MCM5: variants seen among roughly 807,000 people sequenced by gnomAD.
The protein encoded by MCM5 is minichromosome maintenance complex component 5, also known as DNA replication licensing factor MCM5.
Under a neutral mutation model 79.9 loss-of-function variants are expected in MCM5, and 46 were observed. The observed-to-expected ratio is 0.58, with a 90% CI of 0.45 to 0.74. The LOEUF (loss-of-function observed/expected upper bound fraction) is 0.74, where lower values mean the gene tolerates loss of function less well. MCM5 is among the 30% of genes least tolerant of loss of function. MCM5 has a pLI of 0.00. For synonymous variants in MCM5, 404 were observed against 390.5 expected (o/e 1.03, Z -0.41); for missense variants, 883 against 1,017.0 (o/e 0.87, Z 1.79).
the MCM5 span, among the ~76,000 whole-genome samples, chr22:35,443,955 C>T: frequency 6.6e-5 from 10 of 152,118 alleles, no homozygotes; most frequent in Non-Finnish European, 1.3e-4. Context: ...ATTTACTTGG[C>T]CTCTCTATGC....
downstream of MCM5, among the ~76,000 whole-genome samples, chr22:35,426,680 G>T (rs1041309032): frequency 5.3e-5 from 8 of 152,194 alleles, no homozygotes; most frequent in African/African-American, 1.9e-4. Flanking sequence ...AACTGAGGGG[G>T]TAGACATCAG....
intron 4 of MCM5, among the ~76,000 whole-genome samples, chr22:35,405,803 A>G (rs914383755): frequency 2.6e-5 from 4 of 151,814 alleles, no homozygotes; most frequent in African/African-American, 9.7e-5. Flanking sequence ...TGAGGTCAAG[A>G]GTTCGAGACC....
chr22:35,418,877 G>A (rs940776056), intron 13 of MCM5, among the ~76,000 whole-genome samples: 11 of 152,164 alleles, frequency 7.2e-5, no homozygotes, highest in African/African-American at 2.7e-4. Context: ...TAAGTAACTT[G>A]CCCAAGGTCA....
chr22:35,442,706 T>C, the MCM5 span, among the ~76,000 whole-genome samples: 2 of 152,218 alleles, frequency 1.3e-5, no homozygotes, highest in Admixed American at 1.3e-4. Flanking sequence ...TGTGATTACA[T>C]TGGGCTCATC....
At chr22:35,418,711 TCA>T (rs1373467120) in intron 13 of MCM5, among the ~76,000 whole-genome samples, 1 of 134,596 alleles carries the variant, frequency 7.4e-6, no homozygotes, top group Non-Finnish European at 1.6e-5. Context: ...ACACACACAC[TCA>T]CTCTTACACA....
At chr22:35,435,117 C>T in the MCM5 span, among the ~76,000 whole-genome samples, 13 of 152,194 alleles carry the variant, frequency 8.5e-5, no homozygotes, top group African/African-American at 3.1e-4. Flanking sequence ...CACCACTACA[C>T]TCCAGCCTGG....
chr22:35,410,911 G>T lies in MCM5; in HGVS notation c.919+1G>T. On this transcript the variant is annotated splice_donor_variant, in intron 7 of 16. Coordinates refer to ENST00000216122, the MANE Select transcript of MCM5 (RefSeq NM_006739.4). LOFTEE classifies it high-confidence loss of function. ...ATCCAGGTGGACACAGATGGCTCTG[G>T]TGAGTTGGCTTTGGGGTCCTGGCTT... is the stretch of plus-strand genomic sequence containing the variant. 6.3e-7 allele frequency: 1 copy of T among 1,591,918 alleles called. No homozygotes were observed. The highest frequency in any genetic ancestry group is 8.6e-7 in the Non-Finnish European group (1 of 1,165,938).
At chr22:35,441,447 G>A in the MCM5 span, among the ~76,000 whole-genome samples, 6 of 152,186 alleles carry the variant, frequency 3.9e-5, no homozygotes, top group African/African-American at 7.2e-5. Context: ...CTCTACAGGC[G>A]CTGTGCTGAG....
At chr22:35,445,053 T>C in the MCM5 span, among the ~76,000 whole-genome samples, 1 of 152,108 alleles carries the variant, frequency 6.6e-6, no homozygotes, top group African/African-American at 2.4e-5. Flanking sequence ...GGACATTCTA[T>C]TTGGAAACCG....
At chr22:35,427,710 C>G (rs529133341), downstream of MCM5, among the ~76,000 whole-genome samples, 4 of 152,022 alleles carry the variant, frequency 2.6e-5, no homozygotes, top group East Asian at 7.7e-4. Flanking sequence ...CCCCACCCCC[C>G]ACAAATGTTT....
At chr22:35,447,565 A>C in the MCM5 span, among the ~76,000 whole-genome samples, 1 of 152,050 alleles carries the variant, frequency 6.6e-6, no homozygotes, top group Non-Finnish European at 1.5e-5. Context: ...CTCTGCCTCC[A>C]GGGTGCAAGG....
chr22:35,434,422 T>C, the MCM5 span, among the ~76,000 whole-genome samples: 2 of 152,176 alleles, frequency 1.3e-5, no homozygotes, highest in African/African-American at 2.4e-5. Context: ...AAAGAGCTTT[T>C]TTCTCTCAGT....
chr22:35,407,932 A>T (rs1456643759), intron 5 of MCM5, among the ~76,000 whole-genome samples: 1 of 152,144 alleles, frequency 6.6e-6, no homozygotes, highest in Non-Finnish European at 1.5e-5. Context: ...TTTTGCTATG[A>T]TGTTTACTTC....
At position 35,421,166 on chromosome 22, in the gene MCM5, C is replaced by T. The variant is rs1932682560; in HGVS notation, c.1833-152C>T. On this transcript the variant is annotated intron_variant, in intron 14 of 16. Coordinates refer to ENST00000216122, the MANE Select transcript of MCM5 (RefSeq NM_006739.4). ...AAAAAAAAAAATTGCAGTTCTATGA[C>T]TAAGATCAAAAGGGAGATGGATTAT... is the stretch of plus-strand genomic sequence containing the variant. 7.5e-6 allele frequency: 4 copies of T among 535,202 alleles called. No individual in the cohort carries two copies. In the South Asian group the frequency reaches 8.8e-5, roughly 12 times the overall value. The allele number at this position is 535,202 out of a possible 1,614,324, so 33.2% of individuals were successfully genotyped here.
At chr22:35,412,267 C>T (rs1046974646) in intron 7 of MCM5, among the ~76,000 whole-genome samples, 5 of 152,208 alleles carry the variant, frequency 3.3e-5, no homozygotes, top group Admixed American at 2.6e-4. Flanking sequence ...TGCCATCTGG[C>T]CCTCTGTTTG....
chr22:35,409,896 G>A (rs796957253), intron 6 of MCM5: 14 of 152,320 alleles, frequency 9.2e-5, no homozygotes, highest in African/African-American at 3.1e-4. Context: ...AATGCATGTG[G>A]TGTTTAGCAC....
rs745454682 is a variant in MCM5 at position 35,423,332 on chromosome 22, C to T, written c.2094C>T (p.Phe698=). 1.4e-5 allele frequency: 23 copies of T among 1,601,592 alleles called. No homozygotes were observed. Among genetic ancestry groups the T allele is most frequent in the Middle Eastern group, 1.7e-4 (1 of 6,026 alleles). The change falls in exon 16 of 17, where the codon TTC becomes TTT. Residue 698 remains phenylalanine, a synonymous_variant. Coordinates refer to ENST00000216122, the MANE Select transcript of MCM5 (RefSeq NM_006739.4). ...CTGAGCACAGCATCATCAAGGACTT[C>T]ACCAAGCAGGTGAGCCTGCCTTGGA... ...QVSEHSIIKD[F]TKQKYPEHAI...
At chr22:35,404,777 G>A (rs1048816533) in intron 4 of MCM5, among the ~76,000 whole-genome samples, 1 of 152,168 alleles carries the variant, frequency 6.6e-6, no homozygotes. Flanking sequence ...TGGTTCTCTC[G>A]TTCAGCCGGA....
At chr22:35,446,446 G>C in the MCM5 span, among the ~76,000 whole-genome samples, 3 of 152,132 alleles carry the variant, frequency 2.0e-5, no homozygotes, top group Non-Finnish European at 4.4e-5. Context: ...GTAAGACTTT[G>C]TCTAGTACCC....
Sources: allele counts gnomAD v4.1 joint callset (sites outside exome capture counted in the v4.1 genomes callset), GRCh38; gene constraint gnomAD v4.1.1; transcripts MANE v1.5; gene names NCBI Gene and HGNC (gene_info 2026-07-23, HGNC 2026-07-21).